Variants in ICE2 observed in about 807,000 individuals in gnomAD.
ICE2 encodes interactor of little elongation complex ELL subunit 2.
Under a neutral mutation model 105.4 loss-of-function variants are expected in ICE2, and 87 were observed. The observed-to-expected ratio is 0.83, with a 90% CI of 0.69 to 0.99. The LOEUF is 0.99. ICE2 is among the 50% of genes least tolerant of loss of function. The pLI is 0.00. For synonymous variants in ICE2, 399 were observed against 392.0 expected (o/e 1.02, Z -0.21); for missense variants, 1,323 against 1,146.7 (o/e 1.15, Z -2.22).
intron 11 of ICE2, 165 bp from the exon 12 acceptor site, chr15:60,442,710 G>T: frequency 4.0e-6 from 2 of 499,012 alleles, no homozygotes; most frequent in Non-Finnish European, 7.0e-6. Context: ...ATTCAGGCCT[G>T]ATGAATAGAA....
chr15:60,438,985 A>G (rs1191129088), intron 12 of ICE2: 1 of 152,252 alleles, frequency 6.6e-6, no homozygotes, highest in Non-Finnish European at 1.5e-5. Context: ...CATAATAAAA[A>G]TAAAGCTTTT....
chr15:60,441,855 C>T (rs2063727314), intron 12 of ICE2: 2 of 152,098 alleles, frequency 1.3e-5, no homozygotes. Context: ...AAAGTCATTT[C>T]ATCAAAATAT....
chr15:60,445,878 C>A, intron 11 of ICE2: 1 of 594,066 alleles, frequency 1.7e-6, no homozygotes, highest in Non-Finnish European at 2.1e-6. Flanking sequence ...AGAGAGATAG[C>A]AAGAATCAAA....
At chr15:60,442,591 T>A in intron 11 of ICE2, 46 bp from the exon 12 acceptor site, 1 of 1,460,946 alleles carries the variant, frequency 6.8e-7, no homozygotes, top group Non-Finnish European at 9.3e-7. Context: ...TAATTTACTA[T>A]TAATAGCAAA....
At chr15:60,448,670 T>G (rs1381697731) in intron 10 of ICE2, among the ~76,000 whole-genome samples, 178 bp downstream of exon 10, 1 of 152,206 alleles carries the variant, frequency 6.6e-6, no homozygotes, top group Non-Finnish European at 1.5e-5. Flanking sequence ...TTTGTATACA[T>G]ATCTAGAGAG....
chr15:60,473,469 T>G (rs1376926914), intron 3 of ICE2, among the ~76,000 whole-genome samples: 2 of 152,072 alleles, frequency 1.3e-5, no homozygotes, highest in African/African-American at 4.8e-5. Context: ...ATTTTTTGTA[T>G]TTTTGTAGAG....
chr15:60,478,330 T>C (rs1423870680), intron 1 of ICE2, among the ~76,000 whole-genome samples: 3 of 152,220 alleles, frequency 2.0e-5, no homozygotes, highest in South Asian at 4.1e-4. Context: ...GGTGTTCTCA[T>C]TGCTTACATA....
At chr15:60,454,286 AAAAG>A (rs772285113) in intron 8 of ICE2, among the ~76,000 whole-genome samples, 3 of 152,218 alleles carry the variant, frequency 2.0e-5, no homozygotes, top group Non-Finnish European at 4.4e-5. Context: ...TTTTATTGTC[AAAAG>A]AAAGACTACC....
intron 15 of ICE2, among the ~76,000 whole-genome samples, chr15:60,427,318 G>A (rs576238559): frequency 1.3e-5 from 2 of 152,230 alleles, no homozygotes; most frequent in Non-Finnish European, 2.9e-5. Context: ...TAATGACTCA[G>A]ACAATAATTC....
intron 11 of ICE2, 99 bp downstream of exon 11, chr15:60,447,871 C>T: frequency 1.0e-6 from 1 of 977,718 alleles, no homozygotes. Flanking sequence ...GAAGATACTA[C>T]TATGAGTGCT....
chr15:60,431,909 A>G (rs1406345274), intron 14 of ICE2, 25 bp downstream of exon 14: 5 of 1,253,012 alleles, frequency 4.0e-6, no homozygotes, highest in Non-Finnish European at 5.7e-6. Flanking sequence ...GATGTATCAA[A>G]GCAAAATGCC....
intron 3 of ICE2, among the ~76,000 whole-genome samples, chr15:60,473,093 GCCA>G (rs1313522231): frequency 1.3e-5 from 2 of 151,940 alleles, no homozygotes; most frequent in African/African-American, 2.4e-5. Context: ...ACATGTGCAT[GCCA>G]CCACACCAGC....
intron 5 of ICE2, among the ~76,000 whole-genome samples, chr15:60,465,177 C>T (rs2064387181): frequency 6.6e-6 from 1 of 152,128 alleles, no homozygotes; most frequent in South Asian, 2.1e-4. Context: ...CAAAATTCTT[C>T]CTTACAGTGT....
At position 60,421,181 on chromosome 15, in the gene ICE2, C is replaced by G. The variant is rs1029434847; in HGVS notation, c.*2453G>C. The G allele has an allele frequency of 1.4e-5, 2 of 145,198 alleles. No individual in the cohort carries two copies. The highest frequency in any genetic ancestry group is 3.0e-5 in the Non-Finnish European group (2 of 66,810). The allele number at this position is 145,198 out of a possible 1,614,324, so 9.0% of individuals were successfully genotyped here. On this transcript the variant is annotated 3_prime_UTR_variant, in exon 16 of 16. Coordinates refer to ENST00000261520, the MANE Select transcript of ICE2 (RefSeq NM_024611.6). Reference sequence around the variant, plus strand: ...ATAAATGGGCCAGGGTGATCACATCCTTGCTAGCCCTAAGTCTGATTTAAA... The same window carrying G: ...ATAAATGGGCCAGGGTGATCACATCGTTGCTAGCCCTAAGTCTGATTTAAA...
chr15:60,427,480 G>C (rs2063362447), intron 15 of ICE2, among the ~76,000 whole-genome samples: 1 of 152,158 alleles, frequency 6.6e-6, no homozygotes, highest in African/African-American at 2.4e-5. Flanking sequence ...GAGTGCAGTA[G>C]AGTGATCTTG....
At chr15:60,452,916 G>A (rs1350204638) in intron 9 of ICE2, 2 of 985,282 alleles carry the variant, frequency 2.0e-6, no homozygotes, top group African/African-American at 3.5e-5. Context: ...AAGCTCACCT[G>A]TTCCTTTTCA....
At chr15:60,441,935 C>T (rs2063728686) in intron 12 of ICE2, 1 of 152,102 alleles carries the variant, frequency 6.6e-6, no homozygotes, top group Non-Finnish European at 1.5e-5. Flanking sequence ...AAATAGTTAA[C>T]CAATTAAACA....
rs145178226 is a variant in ICE2, at chr15:60,424,722, T to C, written c.2821-960A>G. ...TGGGGTTTCACCATGTTTAGGCTGGTCTGGAATTCCTGACCTCAAGTGATC... is the reference window on the plus strand; with the variant it reads ...TGGGGTTTCACCATGTTTAGGCTGGCCTGGAATTCCTGACCTCAAGTGATC... On this transcript the variant is annotated intron_variant, in intron 15 of 15. Coordinates refer to ENST00000261520, the MANE Select transcript of ICE2 (RefSeq NM_024611.6). 3.3e-4 allele frequency among the ~76,000 whole-genome samples: 50 copies of C among 152,294 alleles called. 2 individuals are homozygous for C. In the East Asian group the frequency reaches 9.5e-3, roughly 29 times the overall value.
chr15:60,445,650 T>G, intron 11 of ICE2: 1 of 984,942 alleles, frequency 1.0e-6, no homozygotes, highest in Non-Finnish European at 1.2e-6. Flanking sequence ...TGTCTTGAAA[T>G]TTACAAATTT....
Sources: gnomAD v4.1 joint callset for allele counts (sites outside exome capture counted in the v4.1 genomes callset) on GRCh38, gnomAD v4.1.1 for gene constraint, MANE v1.5 for transcripts, NCBI Gene and HGNC (gene_info 2026-07-23, HGNC 2026-07-21) for gene names.